Variants in PSD3 observed in about 807,000 individuals in gnomAD.
The protein encoded by PSD3 is pleckstrin and Sec7 domain containing 3.
A neutral mutation model predicts 105.5 loss-of-function variants in PSD3; 49 were observed. That is an observed-to-expected ratio of 0.46 (90% CI 0.37 to 0.59). The LOEUF (loss-of-function observed/expected upper bound fraction) is 0.59. PSD3 is among the 20% of genes least tolerant of loss of function. PSD3 has a pLI of 0.00. For synonymous variants in PSD3, 557 were observed against 457.8 expected (o/e 1.22, Z -2.77); for missense variants, 1,561 against 1,263.8 (o/e 1.24, Z -3.57).
intron 2 of PSD3, among the ~76,000 whole-genome samples, chr8:18,879,693 T>C (rs1354864493): frequency 1.3e-5 from 2 of 152,122 alleles, no homozygotes; most frequent in Admixed American, 6.5e-5. Context: ...GGTGCTTAAG[T>C]GATCCTCCAG....
At chr8:18,720,672 A>C (rs898865900) in intron 9 of PSD3, among the ~76,000 whole-genome samples, 1 of 152,176 alleles carries the variant, frequency 6.6e-6, no homozygotes, top group African/African-American at 2.4e-5. Context: ...TGTTTAGTAC[A>C]AACCCATCCT....
At position 18,535,505 on chromosome 8, in the gene PSD3, C is replaced by A; in HGVS notation, c.*238G>T. 1.9e-6 allele frequency: 1 copy of A among 517,112 alleles called. No individual in the cohort carries two copies. Among genetic ancestry groups the A allele is most frequent in the South Asian group, 2.7e-5 (1 of 36,418 alleles). The allele number at this position is 517,112 out of a possible 1,614,324, so 32.0% of individuals were successfully genotyped here. A position where few individuals can be genotyped will look rare whatever the true frequency, so the allele number is the denominator to read the frequency against. On this transcript the variant is annotated 3_prime_UTR_variant, in exon 16 of 16. Coordinates refer to ENST00000327040, the MANE Select transcript of PSD3 (RefSeq NM_015310.4). ...CATAATTCATTCTGAAATCACGATC[C>A]CCTCCTCCTCACAGAAAAGGTGCAT...
intron 8 of PSD3, among the ~76,000 whole-genome samples, chr8:18,778,980 G>GA (rs1258727154): frequency 2.6e-5 from 4 of 152,074 alleles, no homozygotes; most frequent in East Asian, 3.9e-4. Flanking sequence ...AACAAGCTAG[G>GA]AAAAAATCCC....
At chr8:18,582,631 T>G (rs1585300331) in intron 12 of PSD3, among the ~76,000 whole-genome samples, 1 of 152,090 alleles carries the variant, frequency 6.6e-6, no homozygotes, top group South Asian at 2.1e-4. Flanking sequence ...GTATGCATAA[T>G]TGCTTACTGG....
At chr8:18,655,227 G>A (rs1808801755) in intron 10 of PSD3, among the ~76,000 whole-genome samples, 2 of 151,352 alleles carry the variant, frequency 1.3e-5, no homozygotes, top group Admixed American at 6.6e-5. Context: ...TACTCGGGAG[G>A]CTGAGGCAGG....
chr8:19,069,071 G>A (rs1829169959), intron 1 of PSD3, among the ~76,000 whole-genome samples: 1 of 152,072 alleles, frequency 6.6e-6, no homozygotes, highest in Non-Finnish European at 1.5e-5. Flanking sequence ...GCTCACATAG[G>A]GCAAGTTGTT....
chr8:18,867,576 G>T, intron 4 of PSD3, 98 bp downstream of exon 4: 3 of 1,416,248 alleles, frequency 2.1e-6, no homozygotes, highest in Admixed American at 2.4e-5. Context: ...CACAGAAATT[G>T]GCCAAATGAT....
Position 18,546,328 on chromosome 8 carries a change from G to C in PSD3, c.2928+9881C>G, listed in dbSNP as rs188903018. The stretch of plus-strand genomic sequence containing the variant: ...TAATTTTAAACTTTCTGAATTTCCA[G>C]TTTAAGTGATCCTTTAAATGGGAAG... On this transcript the variant is annotated intron_variant, in intron 15 of 15. Transcript: ENST00000327040. Among the ~76,000 whole-genome samples, 14 of 152,224 alleles carry C rather than the reference G, an allele frequency of 9.2e-5. No individual in the cohort carries two copies. The East Asian group carries it at 9.7e-4, about 11-fold the overall frequency.
At chr8:18,725,142 C>T (rs1803259794) in intron 9 of PSD3, among the ~76,000 whole-genome samples, 1 of 152,104 alleles carries the variant, frequency 6.6e-6, no homozygotes, top group South Asian at 2.1e-4. Flanking sequence ...CCTATGTAAC[C>T]CATGCCTGGA....
At chr8:18,815,042 G>A (rs544758137) in intron 4 of PSD3, among the ~76,000 whole-genome samples, 4 of 152,278 alleles carry the variant, frequency 2.6e-5, no homozygotes, top group East Asian at 1.9e-4. Context: ...CTCACTTCCT[G>A]TCTAGTGCAC....
intron 10 of PSD3, among the ~76,000 whole-genome samples, chr8:18,650,098 A>T (rs9918830): frequency 6.6e-6 from 1 of 152,270 alleles, no homozygotes; most frequent in Non-Finnish European, 1.5e-5. Context: ...AAGCAGCAAT[A>T]AACATGAAAG....
chr8:18,661,811 A>G (rs1237589171), intron 9 of PSD3, among the ~76,000 whole-genome samples: 1 of 152,190 alleles, frequency 6.6e-6, no homozygotes, highest in Non-Finnish European at 1.5e-5. Flanking sequence ...AGAAGTACAT[A>G]CAGAAGATGA....
chr8:19,017,077 G>A (rs1827202708), upstream of PSD3, among the ~76,000 whole-genome samples: 1 of 125,990 alleles, frequency 7.9e-6, no homozygotes, highest in Admixed American at 9.5e-5. Flanking sequence ...TTTTGAGACA[G>A]TATCTCACTC....
intron 9 of PSD3, among the ~76,000 whole-genome samples, chr8:18,680,757 A>T (rs1358613140): frequency 6.6e-6 from 1 of 152,224 alleles, no homozygotes; most frequent in Admixed American, 6.5e-5. Flanking sequence ...TATAAGCTGA[A>T]TTTTAGTAGG....
intron 4 of PSD3, among the ~76,000 whole-genome samples, chr8:18,806,520 G>A (rs1227861345): frequency 6.6e-6 from 1 of 152,210 alleles, no homozygotes; most frequent in African/African-American, 2.4e-5. Context: ...ATAATAAAAT[G>A]TGCTTACACG....
At chr8:18,820,171 CT>C (rs11357749) in intron 4 of PSD3, among the ~76,000 whole-genome samples, 100,120 of 128,042 alleles carry the variant, frequency 0.78, 38,226 homozygotes, top group Middle Eastern at 0.83. Flanking sequence ...CATTTTTTTC[CT>C]TTTTTTTTTT....
At chr8:18,617,365 T>C (rs997718682) in intron 11 of PSD3, among the ~76,000 whole-genome samples, 11 of 151,994 alleles carry the variant, frequency 7.2e-5, no homozygotes, top group African/African-American at 2.4e-4. Flanking sequence ...ACCCCATCTC[T>C]ACTAAAAATT....
intron 14 of PSD3, among the ~76,000 whole-genome samples, chr8:18,561,548 C>T (rs1453843445): frequency 2.0e-5 from 3 of 151,958 alleles, no homozygotes; most frequent in Non-Finnish European, 1.5e-5. Flanking sequence ...ATCATGATGG[C>T]TAGAGTTCAT....
At chr8:18,563,234 C>G (rs1451212576) in intron 14 of PSD3, among the ~76,000 whole-genome samples, 1 of 152,166 alleles carries the variant, frequency 6.6e-6, no homozygotes, top group Non-Finnish European at 1.5e-5. Context: ...CTTAAGCTCT[C>G]AGAAGTTGAG....
Sources: gnomAD v4.1 joint callset for allele counts (sites outside exome capture counted in the v4.1 genomes callset) on GRCh38, gnomAD v4.1.1 for gene constraint, MANE v1.5 for transcripts, NCBI Gene and HGNC (gene_info 2026-07-23, HGNC 2026-07-21) for gene names.